The following TMEM132D variants were observed in gnomAD, a reference collection of about 807,000 sequenced individuals.
TMEM132D encodes transmembrane protein 132D.
Under a neutral mutation model 62.3 loss-of-function variants are expected in TMEM132D, and 21 were observed. The observed-to-expected ratio is 0.34, with a 90% confidence interval of 0.24 to 0.49. The LOEUF (loss-of-function observed/expected upper bound fraction) is 0.49, where lower values mean the gene tolerates loss of function less well. TMEM132D is among the 20% of genes least tolerant of loss of function. The probability of loss-of-function intolerance (pLI) is 0.99; values close to 1 mark genes in which losing one functional copy is unlikely to be tolerated. For synonymous variants in TMEM132D, 621 were observed against 575.6 expected (o/e 1.08, Z -1.13); for missense variants, 1,346 against 1,402.8 (o/e 0.96, Z 0.65).
At chr12:129,672,232 C>G (rs1198576295) in intron 2 of TMEM132D, among the ~76,000 whole-genome samples, 1 of 152,192 alleles carries the variant, frequency 6.6e-6, no homozygotes, top group Admixed American at 6.5e-5. Context: ...AGCCACGTGA[C>G]CACGTTCCAG....
chr12:129,361,526 A>G (rs1030941618), intron 3 of TMEM132D, among the ~76,000 whole-genome samples: 3 of 144,624 alleles, frequency 2.1e-5, no homozygotes, highest in African/African-American at 5.6e-5. Flanking sequence ...GTTTTCTTGT[A>G]TCTTAGTATG....
At chr12:129,391,882 G>C (rs144254779) in intron 3 of TMEM132D, among the ~76,000 whole-genome samples, 1 of 151,618 alleles carries the variant, frequency 6.6e-6, no homozygotes, top group South Asian at 2.1e-4. Flanking sequence ...TCAGCCTCCC[G>C]AGTATCTGGG....
chr12:129,903,182 C>T lies in TMEM132D; in HGVS notation c.79+79G>A. On this transcript the variant is annotated intron_variant, in intron 1 of 8. Transcript: ENST00000422113. The surrounding 1 kb of genome is among the most constrained non-coding windows in gnomAD (Gnocchi z 6.2). ...GCACACGAGCCCTCTCTCCCGGCCGCCCCCATCCTCCACACACTCCCACAC... is the reference window on the plus strand; with the variant it reads ...GCACACGAGCCCTCTCTCCCGGCCGTCCCCATCCTCCACACACTCCCACAC... 2 of 1,448,974 alleles carry T rather than the reference C, an allele frequency of 1.4e-6. No homozygotes were observed. Among genetic ancestry groups the T allele is most frequent in the African/African-American group, 1.4e-5 (1 of 71,042 alleles). 89.8% of individuals were successfully genotyped at this position (1,448,974 alleles called of 1,614,324 possible). A position where few individuals can be genotyped will look rare whatever the true frequency, so the allele number is the denominator to read the frequency against.
At chr12:129,398,448 T>A (rs917956481) in intron 3 of TMEM132D, among the ~76,000 whole-genome samples, 47 of 152,290 alleles carry the variant, frequency 3.1e-4, no homozygotes, top group African/African-American at 1.0e-3. Context: ...GGAAGCACAA[T>A]CTTTCCAAGA....
At chr12:129,427,107 G>C (rs1415196982) in intron 3 of TMEM132D, among the ~76,000 whole-genome samples, 1 of 152,180 alleles carries the variant, frequency 6.6e-6, no homozygotes, top group Admixed American at 6.5e-5. Flanking sequence ...TCCTTGTCTT[G>C]TCAGTGCTCA....
chr12:129,444,535 G>A (rs1196731509), intron 3 of TMEM132D, among the ~76,000 whole-genome samples: 1 of 152,134 alleles, frequency 6.6e-6, no homozygotes, highest in Admixed American at 6.6e-5. Context: ...TGCCATGGTG[G>A]TTTGCTGCAC....
At chr12:129,504,698 T>G (rs1489417209) in intron 3 of TMEM132D, among the ~76,000 whole-genome samples, 1 of 152,198 alleles carries the variant, frequency 6.6e-6, no homozygotes, top group Non-Finnish European at 1.5e-5. Flanking sequence ...TCTTTTGTAT[T>G]TTTTTGTTTC....
Position 129,445,592 on chromosome 12 carries a change from T to C in TMEM132D, c.1115+85467A>G, listed in dbSNP as rs11060351. 8.2e-4 allele frequency among the ~76,000 whole-genome samples: 125 copies of C among 152,192 alleles called. 1 individual carries two copies. The East Asian group carries it at 0.021, about 25-fold the overall frequency. ...GGGAGATGAAGGAGAGAGGTGAAAT[T>C]ATAATCTCATCCCATGAACCCCTGG... On this transcript the variant is annotated intron_variant, in intron 3 of 8. Transcript: ENST00000422113.
chr12:129,633,965 A>T (rs935626282), intron 2 of TMEM132D, among the ~76,000 whole-genome samples: 2 of 152,126 alleles, frequency 1.3e-5, no homozygotes, highest in Non-Finnish European at 2.9e-5. Flanking sequence ...AAAAAGAACA[A>T]CACCTTCTCC....
chr12:129,233,427 C>T (rs1044899113), intron 4 of TMEM132D, among the ~76,000 whole-genome samples: 12 of 152,064 alleles, frequency 7.9e-5, no homozygotes, highest in Admixed American at 2.6e-4. Flanking sequence ...ACTGTAGCAG[C>T]TTTGGAAGTT....
At chr12:129,524,094 G>A (rs1163420476) in intron 3 of TMEM132D, among the ~76,000 whole-genome samples, 1 of 151,870 alleles carries the variant, frequency 6.6e-6, no homozygotes, top group African/African-American at 2.4e-5. Context: ...GGTGGGGGGA[G>A]TGGGGAGGGA....
intron 5 of TMEM132D, among the ~76,000 whole-genome samples, chr12:129,197,896 G>A (rs1341315660): frequency 3.9e-5 from 6 of 152,110 alleles, no homozygotes; most frequent in African/African-American, 1.2e-4. Flanking sequence ...CATCCAATAA[G>A]GGTTAACATC....
rs551591939 is a variant in TMEM132D at position 129,483,423 on chromosome 12, G to T, written c.1115+47636C>A. 3.3e-5 allele frequency among the ~76,000 whole-genome samples: 5 copies of T among 152,298 alleles called. No homozygotes were observed. In the East Asian group the frequency reaches 9.7e-4, roughly 29 times the overall value. ...ACACACCCAAGGTTGAGAGACATGG[G>T]TCTGAGATGAATCTGAGTAACACGC... is the stretch of plus-strand genomic sequence containing the variant. On this transcript the variant is annotated intron_variant, in intron 3 of 8. Transcript: ENST00000422113.
intron 5 of TMEM132D, among the ~76,000 whole-genome samples, chr12:129,113,809 G>T (rs1433827345): frequency 6.6e-6 from 1 of 151,994 alleles, no homozygotes; most frequent in Admixed American, 6.6e-5. Flanking sequence ...GCAATACATG[G>T]CCTGGGGCAT....
At chr12:129,136,925 CCATCAT>C (rs777315786) in intron 5 of TMEM132D, among the ~76,000 whole-genome samples, 4 of 142,856 alleles carry the variant, frequency 2.8e-5, no homozygotes, top group Non-Finnish European at 6.1e-5. Context: ...CATACCACCA[CCATCAT>C]CATCATCATC....
In TMEM132D at chr12:129,596,979, G is replaced by A. The variant is rs188725017; in HGVS notation, c.969-65774C>T. Reference sequence around the variant, plus strand: ...AACACTTCAACCAATGCACCTACACGTTCTAAATGCTATGTTATGGTTGAA... The same window carrying A: ...AACACTTCAACCAATGCACCTACACATTCTAAATGCTATGTTATGGTTGAA... On this transcript the variant is annotated intron_variant, in intron 2 of 8. Transcript: ENST00000422113. 3.6e-3 allele frequency among the ~76,000 whole-genome samples: 542 copies of A among 152,220 alleles called. 1 individual carries two copies. The highest frequency in any genetic ancestry group is 6.0e-3 in the Non-Finnish European group (407 of 68,016).
At chr12:129,091,983 G>C (rs1212543800) in intron 5 of TMEM132D, among the ~76,000 whole-genome samples, 1 of 152,212 alleles carries the variant, frequency 6.6e-6, no homozygotes, top group Admixed American at 6.5e-5. Context: ...GAGCCGGCAA[G>C]ATCTGTCATT....
At chr12:129,156,207 T>A (rs971656229) in intron 5 of TMEM132D, among the ~76,000 whole-genome samples, 3 of 149,412 alleles carry the variant, frequency 2.0e-5, no homozygotes, top group Admixed American at 2.0e-4. Flanking sequence ...TCACGATAAC[T>A]AACTCATCCC....
At chr12:129,326,141 A>G (rs1868900974) in intron 4 of TMEM132D, among the ~76,000 whole-genome samples, 1 of 152,178 alleles carries the variant, frequency 6.6e-6, no homozygotes, top group African/African-American at 2.4e-5. Context: ...GCCTTGGTTA[A>G]TCCCGTGGAC....
Sources: gnomAD v4.1 joint callset for allele counts (sites outside exome capture counted in the v4.1 genomes callset) on GRCh38, gnomAD v4.1.1 for gene constraint, Gnocchi (gnomAD v3.1) non-coding constraint, MANE v1.5 for transcripts, NCBI Gene and HGNC (gene_info 2026-07-23, HGNC 2026-07-21) for gene names.